PASK: variants seen among roughly 807,000 people sequenced by gnomAD.
The protein encoded by PASK is PAS domain containing serine/threonine kinase.
In PASK, 110 loss-of-function variants were observed where a neutral mutation model predicts 121.0. That is an observed-to-expected ratio of 0.91 (90% CI 0.78 to 1.06). PASK has a LOEUF of 1.06. Ranked by LOEUF, PASK falls within the 50% of genes least tolerant of loss-of-function variation. The pLI, the probability that PASK is intolerant of heterozygous loss-of-function variation, is 0.00. For synonymous variants in PASK, 686 were observed against 717.8 expected (o/e 0.96, Z 0.71); for missense variants, 1,643 against 1,702.3 (o/e 0.97, Z 0.61).
chr2:241,119,694 T>C (rs1282056626), intron 12 of PASK, among the ~76,000 whole-genome samples: 1 of 152,088 alleles, frequency 6.6e-6, no homozygotes, highest in Non-Finnish European at 1.5e-5. Flanking sequence ...ATGGTCTCGA[T>C]CTCCTGACCT....
rs142426138 is a variant in PASK, at chr2:241,126,571, C to G, written c.2344G>C (p.Gly782Arg). Residue 782 changes from glycine (G) to arginine (R), a missense_variant, in exon 10 of 18, where the codon GGC becomes CGC. Physicochemically the swap from Gly to Arg is moderately radical, Grantham distance 125. Coordinates refer to ENST00000234040, the MANE Select transcript of PASK (RefSeq NM_015148.4). ...SLAVGSDPDV[G>R]SLQEQGSCVL... ...CACGACCCCTGTTCCTGGAGACTGC[C>G]TACATCTGGATCGGAGCCCACTGCC... is the stretch of plus-strand genomic sequence containing the variant. 2.1e-3 allele frequency: 3,415 copies of G among 1,614,048 alleles called. 53 individuals carry two copies. In the African/African-American group the frequency reaches 0.038, roughly 18 times the overall value.
chr2:241,150,263 T>C (rs576444183), upstream of PASK: 5 of 1,295,344 alleles, frequency 3.9e-6, no homozygotes, highest in South Asian at 1.0e-4. Context: ...TCCCAGCTTC[T>C]CGCCTCCAGA....
intron 12 of PASK, among the ~76,000 whole-genome samples, chr2:241,118,337 C>CAA (rs2065460757): frequency 2.0e-5 from 3 of 151,960 alleles, no homozygotes; most frequent in Admixed American, 2.0e-4. Flanking sequence ...GATAGAAAGA[C>CAA]AGACTATAGA....
At chr2:241,133,090 G>A in intron 8 of PASK, 60 bp from the exon 9 acceptor site, 1 of 1,530,206 alleles carries the variant, frequency 6.5e-7, no homozygotes, top group Non-Finnish European at 9.0e-7. Context: ...AAACGAATCT[G>A]CTCATTCGCC....
chr2:241,136,057 G>A lies in PASK; in HGVS notation c.1138-18C>T. ...GTGATATTCTAGAAAACAAAGCAGG[G>A]ACATTTCAGAACCTGGAGGATCCAC... On this transcript the variant is annotated intron_variant, in intron 7 of 17. Coordinates refer to ENST00000234040, the MANE Select transcript of PASK (RefSeq NM_015148.4). The A allele has an allele frequency of 6.2e-7, 1 of 1,610,782 alleles. No individual in the cohort carries two copies. Among genetic ancestry groups the A allele is most frequent in the Non-Finnish European group, 8.5e-7 (1 of 1,177,056 alleles).
chr2:241,145,953 A>G (rs1442970963), intron 1 of PASK: 1 of 152,122 alleles, frequency 6.6e-6, no homozygotes, highest in African/African-American at 2.4e-5. Context: ...AAAAAAGAAA[A>G]AAAAAAATGA....
upstream of PASK, chr2:241,149,768 G>A: frequency 2.0e-6 from 3 of 1,538,248 alleles, no homozygotes; most frequent in Non-Finnish European, 2.6e-6. Context: ...GACGCGGGGC[G>A]GCTCGTTCAT....
intron 1 of PASK, among the ~76,000 whole-genome samples, chr2:241,147,759 T>A (rs1295374626): frequency 2.6e-5 from 4 of 152,070 alleles, no homozygotes; most frequent in African/African-American, 9.7e-5. Flanking sequence ...TGCAATTTTT[T>A]GTCCTTCATG....
intron 6 of PASK, 146 bp from the exon 7 acceptor site, chr2:241,137,410 C>CA (rs1314302466): frequency 1.3e-6 from 1 of 744,668 alleles, no homozygotes; most frequent in Non-Finnish European, 2.4e-6. Flanking sequence ...TGCCTTCCCT[C>CA]TCCTCCCAGG....
Position 241,126,284 on chromosome 2 carries a change from G to T in PASK, c.2631C>A (p.Ile877=). 6.2e-7 allele frequency: 1 copy of T among 1,614,160 alleles called. No individual in the cohort carries two copies. The highest frequency in any genetic ancestry group is 8.5e-7 in the Non-Finnish European group (1 of 1,180,026). ...GCAGGCCAGCAGCCCCGCGCATCACGATCACGGGCGTGGAGGTGACCTGGA... is the reference window on the plus strand; with the variant it reads ...GCAGGCCAGCAGCCCCGCGCATCACTATCACGGGCGTGGAGGTGACCTGGA... ...LNVQVTSTPV[I]VMRGAAGLQR... is the part of the protein sequence containing the mutation. Residue 877 remains isoleucine (I), a synonymous_variant, in exon 10 of 18, where the codon ATC becomes ATA. Transcript: ENST00000234040.
Position 241,140,071 on chromosome 2 carries a change from G to T in PASK, c.430-16C>A. The T allele has an allele frequency of 1.2e-6, 2 of 1,610,926 alleles. No homozygotes were observed. The highest frequency in any genetic ancestry group is 2.2e-5 in the South Asian group (2 of 90,794). ...CAACCAGGATCTGAGGAATCACAAA[G>T]AGGAGCAAGGATGCAGACATCCCCA... On this transcript the variant is annotated splice_polypyrimidine_tract_variant and intron_variant, in intron 3 of 17. Coordinates refer to ENST00000234040, the MANE Select transcript of PASK (RefSeq NM_015148.4).
intron 2 of PASK, chr2:241,140,993 C>T: frequency 1.8e-6 from 1 of 557,694 alleles, no homozygotes; most frequent in Non-Finnish European, 3.2e-6. Context: ...ACTTCTGTGT[C>T]TAAATTACAC....
intron 9 of PASK, chr2:241,127,674 C>A: frequency 1.8e-6 from 1 of 571,416 alleles, no homozygotes. Context: ...AGAATGCTAC[C>A]AAAAGCCCAA....
chr2:241,150,333 A>T (rs1220219382), upstream of PASK: 2 of 1,310,560 alleles, frequency 1.5e-6, no homozygotes, highest in African/African-American at 1.6e-5. Context: ...GCGCGGCCTC[A>T]TGACGGAACT....
At chr2:241,120,661 GAA>G (rs2065568356) in intron 12 of PASK, among the ~76,000 whole-genome samples, 1 of 152,100 alleles carries the variant, frequency 6.6e-6, no homozygotes, top group South Asian at 2.1e-4. Flanking sequence ...GGCTAGAAAT[GAA>G]AAGACAATAA....
chr2:241,131,832 G>C (rs1047873165), intron 9 of PASK, among the ~76,000 whole-genome samples: 1 of 152,026 alleles, frequency 6.6e-6, no homozygotes, highest in Non-Finnish European at 1.5e-5. Context: ...AAGGCGGGTG[G>C]ACCATGAGGT....
In PASK at chr2:241,112,207, C is replaced by T. The variant is rs368737603; in HGVS notation, c.3533+33G>A. On this transcript the variant is annotated intron_variant, in intron 15 of 17. Transcript: ENST00000234040. This position sits in a 1 kb window ranked among gnomAD's most constrained non-coding sequence, Gnocchi z 5.2. ...ACCCTCAGGGTCCTGACAGAGGACA[C>T]GAGGACGGGCCGCACCGCAGCCGCA... 26 of 1,556,076 alleles carry T rather than the reference C, an allele frequency of 1.7e-5. No individual in the cohort carries two copies. Among genetic ancestry groups the T allele is most frequent in the South Asian group, 8.9e-5 (8 of 89,890 alleles).
chr2:241,135,800 T>C, intron 8 of PASK, 71 bp downstream of exon 8: 2 of 1,428,766 alleles, frequency 1.4e-6, no homozygotes, highest in Non-Finnish European at 2.0e-6. Context: ...CTCCCAGCCC[T>C]GTCTCAGAGG....
In PASK at chr2:241,108,095, G is replaced by A; in HGVS notation, c.3667+72C>T. The A allele has an allele frequency of 6.9e-7, 1 of 1,450,260 alleles. No individual in the cohort carries two copies. Among genetic ancestry groups the A allele is most frequent in the Non-Finnish European group, 9.7e-7 (1 of 1,031,460 alleles). The allele number at this position is 1,450,260 out of a possible 1,614,324, so 89.8% of individuals were successfully genotyped here. A position where few individuals can be genotyped will look rare whatever the true frequency, so the allele number is the denominator to read the frequency against. On this transcript the variant is annotated intron_variant, in intron 16 of 17. Transcript: ENST00000234040. The surrounding 1 kb of genome is among the most constrained non-coding windows in gnomAD (Gnocchi z 5.2). Reference sequence around the variant, plus strand: ...TGGACAGAGATACACTGAGGAATGAGGAAATGGGAAAAAAAAGTGGCTGGT... The same window carrying A: ...TGGACAGAGATACACTGAGGAATGAAGAAATGGGAAAAAAAAGTGGCTGGT...
Sources: allele counts gnomAD v4.1 joint callset (sites outside exome capture counted in the v4.1 genomes callset), GRCh38; gene constraint gnomAD v4.1.1; non-coding constraint Gnocchi (gnomAD v3.1); transcripts MANE v1.5; gene names NCBI Gene and HGNC (gene_info 2026-07-23, HGNC 2026-07-21).